UBE2G1: variants seen among roughly 807,000 people sequenced by gnomAD.
UBE2G1 encodes the protein ubiquitin-conjugating enzyme E2 G1.
A neutral mutation model predicts 22.7 loss-of-function variants in UBE2G1; 5 were observed. The ratio of observed to expected loss-of-function variants is 0.22; its 90% confidence interval spans 0.12 to 0.46. The LOEUF is 0.46. Ranked by LOEUF, UBE2G1 falls within the 20% of genes least tolerant of loss-of-function variation. The pLI, the probability that UBE2G1 is intolerant of heterozygous loss-of-function variation, is 0.99. For synonymous variants in UBE2G1, 74 were observed against 67.5 expected, an observed-to-expected ratio of 1.10 and a Z score of -0.47; for missense variants, 88 against 203.9, an observed-to-expected ratio of 0.43 and a Z score of 3.46.
chr17:4,363,749 A>C (rs538469280), intron 1 of UBE2G1, among the ~76,000 whole-genome samples: 3 of 151,776 alleles, frequency 2.0e-5, no homozygotes, highest in African/African-American at 4.8e-5. Context: ...TCAGGAGATC[A>C]AGACCATCCT....
intron 2 of UBE2G1, chr17:4,301,436 G>A: frequency 1.5e-6 from 1 of 683,726 alleles, no homozygotes. Context: ...TGTTATTGAT[G>A]TGTTTCCTTG....
At chr17:4,282,269 G>C (rs763983587) in intron 5 of UBE2G1, among the ~76,000 whole-genome samples, 48 of 152,156 alleles carry the variant, frequency 3.2e-4, no homozygotes, top group Non-Finnish European at 5.7e-4. Flanking sequence ...TTTTAGTAGA[G>C]GGGAGGTTTC....
At chr17:4,305,889 T>G (rs1567519498) in intron 2 of UBE2G1, among the ~76,000 whole-genome samples, 2 of 152,210 alleles carry the variant, frequency 1.3e-5, no homozygotes, top group African/African-American at 4.8e-5. Context: ...TTTAAGTTAG[T>G]CTGCAAACAC....
intron 1 of UBE2G1, among the ~76,000 whole-genome samples, chr17:4,329,848 G>A (rs1969550810): frequency 6.8e-6 from 1 of 148,060 alleles, no homozygotes; most frequent in African/African-American, 2.5e-5. Context: ...TAGATTTATA[G>A]TAACGTCAGT....
At chr17:4,360,245 TA>T (rs1000002842) in intron 1 of UBE2G1, among the ~76,000 whole-genome samples, 3 of 151,900 alleles carry the variant, frequency 2.0e-5, no homozygotes, top group Non-Finnish European at 2.9e-5. Flanking sequence ...AATTTAAATC[TA>T]AAAAAAAGGT....
At chr17:4,359,856 A>AT (rs111916343) in intron 1 of UBE2G1, among the ~76,000 whole-genome samples, 1 of 129,670 alleles carries the variant, frequency 7.7e-6, no homozygotes, top group Non-Finnish European at 1.7e-5. Flanking sequence ...CATCTCAAAA[A>AT]AAAAAAAAAA....
At chr17:4,364,412 C>A (rs1970007318) in intron 1 of UBE2G1, 1 of 143,096 alleles carries the variant, frequency 7.0e-6, no homozygotes, top group African/African-American at 2.6e-5. Flanking sequence ...GCCTCAGCCT[C>A]CCGATTAGCT....
intron 1 of UBE2G1, among the ~76,000 whole-genome samples, chr17:4,344,230 AC>A (rs1969743711): frequency 6.6e-6 from 1 of 152,186 alleles, no homozygotes; most frequent in Non-Finnish European, 1.5e-5. Flanking sequence ...GTAAGTCTGT[AC>A]CTCAAAGAAT....
At chr17:4,284,600 C>CAA (rs575485437) in intron 4 of UBE2G1, among the ~76,000 whole-genome samples, 1 of 141,412 alleles carries the variant, frequency 7.1e-6, no homozygotes, top group African/African-American at 2.6e-5. Context: ...GAATCTGTCT[C>CAA]AAAAAAAAAA....
intron 1 of UBE2G1, among the ~76,000 whole-genome samples, chr17:4,358,311 G>A (rs1057159022): frequency 6.6e-6 from 1 of 152,094 alleles, no homozygotes; most frequent in Non-Finnish European, 1.5e-5. Context: ...GGCCCAGGCT[G>A]GAGTGTAGCG....
At chr17:4,342,211 C>G (rs528262182) in intron 1 of UBE2G1, among the ~76,000 whole-genome samples, 1 of 152,180 alleles carries the variant, frequency 6.6e-6, no homozygotes, top group East Asian at 1.9e-4. Flanking sequence ...CTGATTATCT[C>G]TCCTTGTCCT....
intron 1 of UBE2G1, among the ~76,000 whole-genome samples, chr17:4,353,446 T>C (rs564224361): frequency 4.5e-5 from 6 of 132,322 alleles, no homozygotes; most frequent in Admixed American, 1.5e-4. Context: ...TAGAGTTTCG[T>C]TGATATATAT....
At chr17:4,349,507 GT>G (rs1179142117) in intron 1 of UBE2G1, among the ~76,000 whole-genome samples, 1 of 6,790 alleles carries the variant, frequency 1.5e-4, no homozygotes, top group African/African-American at 1.1e-3. Context: ...TGGAGGCATT[GT>G]TTTTAAAAAA....
At chr17:4,335,692 G>A (rs1320364521) in intron 1 of UBE2G1, among the ~76,000 whole-genome samples, 4 of 152,008 alleles carry the variant, frequency 2.6e-5, no homozygotes, top group Admixed American at 6.6e-5. Context: ...TCAATGGTAC[G>A]TCATAGTTTC....
Position 4,312,841 on chromosome 17 carries a change from A to T in UBE2G1, c.47-5718T>A, listed in dbSNP as rs142224932. Among the ~76,000 whole-genome samples the T allele has an allele frequency of 1.4e-4, 20 of 147,652 alleles. No individual in the cohort carries two copies. The South Asian group carries it at 3.2e-3, about 24-fold the overall frequency. ...TATATTCAGTCCACTGGATTCAATT[A>T]AAAAAAAAAGGCCACAGTTGCCCTC... On this transcript the variant is annotated intron_variant, in intron 1 of 5. Transcript: ENST00000396981.
At position 4,280,336 on chromosome 17, in the gene UBE2G1, CTTTTTTTTT is replaced by C. The variant is rs71144178; in HGVS notation, c.*37+2453_*37+2461del. Among the ~76,000 whole-genome samples, 18 of 68,982 alleles carry C rather than the reference CTTTTTTTTT, an allele frequency of 2.6e-4. 2 individuals carry two copies. Among genetic ancestry groups the C allele is most frequent in the Middle Eastern group, 0.02 (2 of 102 alleles). 45.3% of individuals were successfully genotyped at this position (68,982 alleles called of 152,430 possible). ...ACAAGTGTGAGCCGCGGCACCTGGG[CTTTTTTTTT>C]TTTTTTTTTTTTTTTTTTTGAGATG... On this transcript the variant is annotated intron_variant, in intron 5 of 5. Coordinates refer to ENST00000396981, the MANE Select transcript of UBE2G1 (RefSeq NM_003342.5).
At chr17:4,358,291 C>T (rs1228124799) in intron 1 of UBE2G1, among the ~76,000 whole-genome samples, 2 of 152,068 alleles carry the variant, frequency 1.3e-5, no homozygotes, top group African/African-American at 4.8e-5. Flanking sequence ...TAGGCAGGGC[C>T]TTGCTCTGTG....
rs1431442178 is a variant in UBE2G1, at chr17:4,328,809, G to A, written c.47-21686C>T. On this transcript the variant is annotated intron_variant, in intron 1 of 5. Transcript: ENST00000396981. ...ACTAACAACATGACAATGGTGGGCG[G>A]GGCGCGGTGGCTCACGCCTGTAATC... Among the ~76,000 whole-genome samples, 8 of 152,310 alleles carry A rather than the reference G, an allele frequency of 5.3e-5. No individual in the cohort carries two copies. The East Asian group carries it at 1.5e-3, about 29-fold the overall frequency.
intron 4 of UBE2G1, among the ~76,000 whole-genome samples, chr17:4,284,817 T>A (rs1375814162): frequency 1.1e-5 from 1 of 87,628 alleles, no homozygotes; most frequent in Non-Finnish European, 2.0e-5. Flanking sequence ...CTTTTTCTTT[T>A]TCTTTTCTTT....
Sources: gnomAD v4.1 joint callset for allele counts (sites outside exome capture counted in the v4.1 genomes callset) on GRCh38, gnomAD v4.1.1 for gene constraint, MANE v1.5 for transcripts, NCBI Gene and HGNC (gene_info 2026-07-23, HGNC 2026-07-21) for gene names.